Variants in GPC5 observed in about 807,000 individuals in gnomAD.
The protein encoded by GPC5 is glypican 5, also known as glypican-5.
In GPC5, 47 loss-of-function variants were observed where a neutral mutation model predicts 53.9. The ratio of observed to expected loss-of-function variants is 0.87; its 90% CI spans 0.69 to 1.11. The LOEUF (loss-of-function observed/expected upper bound fraction) is 1.11. Among genes scored for constraint, GPC5 ranks in the 50% most tolerant of loss-of-function variants. The probability of loss-of-function intolerance (pLI) is 0.00; values close to 1 mark genes in which losing one functional copy is unlikely to be tolerated. For missense variants in GPC5, 748 were observed against 713.1 expected (o/e 1.05, Z -0.56); for synonymous variants, 286 against 263.3 (o/e 1.09, Z -0.84).
chr13:91,612,580 G>A (rs557084210), intron 2 of GPC5, among the ~76,000 whole-genome samples: 1 of 152,178 alleles, frequency 6.6e-6, no homozygotes, highest in South Asian at 2.1e-4. Context: ...TACGATGTTA[G>A]CGAGTGATGA....
rs527842625 is a variant in GPC5, at chr13:91,630,910, T to C, written c.326-62277T>C. Among the ~76,000 whole-genome samples the C allele has an allele frequency of 6.6e-5, 10 of 152,260 alleles. No individual in the cohort carries two copies. In the East Asian group the frequency reaches 1.7e-3, roughly 27 times the overall value. Reference sequence around the variant, plus strand: ...AAGAGATATATGTTCTTCCCTGACATTTTACAGCTTTATTCTCTTAATCCA... The same window carrying C: ...AAGAGATATATGTTCTTCCCTGACACTTTACAGCTTTATTCTCTTAATCCA... On this transcript the variant is annotated intron_variant, in intron 2 of 7. Coordinates refer to ENST00000377067, the MANE Select transcript of GPC5 (RefSeq NM_004466.6).
chr13:92,369,201 T>C (rs567422238), intron 7 of GPC5, among the ~76,000 whole-genome samples: 34 of 152,268 alleles, frequency 2.2e-4, no homozygotes, highest in Non-Finnish European at 4.6e-4. Flanking sequence ...TGTGTGTTTT[T>C]GAGACGGAGT....
intron 7 of GPC5, among the ~76,000 whole-genome samples, chr13:92,183,133 T>C (rs1464944913): frequency 1.3e-5 from 2 of 152,242 alleles, no homozygotes; most frequent in Non-Finnish European, 2.9e-5. Context: ...AACCTTATTC[T>C]TTCCCACCAT....
At chr13:92,664,354 A>ATTTTTTT (rs34073544) in intron 7 of GPC5, among the ~76,000 whole-genome samples, 4 of 144,184 alleles carry the variant, frequency 2.8e-5, no homozygotes, top group Admixed American at 2.8e-4. Context: ...AATCCAATAG[A>ATTTTTTT]TTTTTTTTTT....
chr13:92,380,520 A>G (rs565008055), intron 7 of GPC5, among the ~76,000 whole-genome samples: 83 of 152,178 alleles, frequency 5.5e-4, no homozygotes, highest in African/African-American at 1.9e-3. Context: ...AATAGCAAAG[A>G]CTTGGAACCA....
At chr13:92,239,417 C>T (rs1447993538) in intron 7 of GPC5, among the ~76,000 whole-genome samples, 2 of 151,904 alleles carry the variant, frequency 1.3e-5, no homozygotes, top group African/African-American at 4.8e-5. Flanking sequence ...TCAGTGAATA[C>T]CCGCACAATT....
At chr13:91,933,321 A>G (rs1288871051) in intron 6 of GPC5, among the ~76,000 whole-genome samples, 5 of 151,872 alleles carry the variant, frequency 3.3e-5, no homozygotes, top group Non-Finnish European at 5.9e-5. Flanking sequence ...AACCCAATTC[A>G]TAGTTTTTGT....
intron 7 of GPC5, among the ~76,000 whole-genome samples, chr13:92,174,551 C>A (rs141378949): frequency 0.072 from 9,823 of 136,712 alleles, 386 homozygotes; most frequent in Non-Finnish European, 0.085. Flanking sequence ...AAAAAAAAAA[C>A]AAAAACAACA....
intron 5 of GPC5, among the ~76,000 whole-genome samples, chr13:91,845,214 A>G (rs1406427822): frequency 6.6e-6 from 1 of 152,024 alleles, no homozygotes; most frequent in Non-Finnish European, 1.5e-5. Context: ...TGTTTTAAGT[A>G]TAGTGCAACT....
chr13:92,205,911 A>G (rs1341448280), intron 7 of GPC5, among the ~76,000 whole-genome samples: 1 of 151,770 alleles, frequency 6.6e-6, no homozygotes, highest in African/African-American at 2.4e-5. Context: ...GGGTGATGGC[A>G]CATGCCTGTA....
chr13:91,970,662 G>GT (rs2139090323), intron 6 of GPC5, among the ~76,000 whole-genome samples: 1 of 145,330 alleles, frequency 6.9e-6, no homozygotes, highest in African/African-American at 2.9e-5. Flanking sequence ...TTTATTGAGA[G>GT]TTTTTAGCAT....
chr13:91,746,961 G>A (rs1483581673), intron 4 of GPC5, among the ~76,000 whole-genome samples: 2 of 151,802 alleles, frequency 1.3e-5, no homozygotes, highest in Non-Finnish European at 2.9e-5. Flanking sequence ...TTTCTATGTT[G>A]GTCTGTCTGT....
At chr13:92,653,565 G>C (rs1469046577) in intron 7 of GPC5, among the ~76,000 whole-genome samples, 1 of 152,178 alleles carries the variant, frequency 6.6e-6, no homozygotes, top group Non-Finnish European at 1.5e-5. Context: ...GATAATTAAA[G>C]AGAATGTAAC....
intron 7 of GPC5, among the ~76,000 whole-genome samples, chr13:92,538,203 A>G (rs1339880099): frequency 6.6e-6 from 1 of 151,544 alleles, no homozygotes; most frequent in Non-Finnish European, 1.5e-5. Context: ...AAAATGGATT[A>G]TCTATTCCTC....
intron 7 of GPC5, among the ~76,000 whole-genome samples, chr13:92,489,999 A>G (rs533567284): frequency 6.6e-6 from 1 of 152,058 alleles, no homozygotes; most frequent in African/African-American, 2.4e-5. Flanking sequence ...GTAAGTTTTT[A>G]TTTTTAACAT....
At chr13:91,581,324 T>C (rs1302655741) in intron 2 of GPC5, among the ~76,000 whole-genome samples, 1 of 152,214 alleles carries the variant, frequency 6.6e-6, no homozygotes, top group Admixed American at 6.5e-5. Context: ...GGAAGAAATA[T>C]AACACTATTT....
intron 6 of GPC5, among the ~76,000 whole-genome samples, chr13:91,931,490 A>G (rs2039821338): frequency 6.6e-6 from 1 of 152,044 alleles, no homozygotes; most frequent in South Asian, 2.1e-4. Flanking sequence ...CCAACGTCAG[A>G]CATCCTTGTT....
chr13:92,262,382 G>A (rs1243539731), intron 7 of GPC5, among the ~76,000 whole-genome samples: 2 of 152,086 alleles, frequency 1.3e-5, no homozygotes, highest in Non-Finnish European at 2.9e-5. Flanking sequence ...ACATTTAGGG[G>A]AAGTTTTAAA....
intron 7 of GPC5, among the ~76,000 whole-genome samples, chr13:92,710,397 GA>G (rs989874886): frequency 2.6e-5 from 4 of 151,956 alleles, no homozygotes; most frequent in Admixed American, 6.6e-5. Context: ...GGAAATAAAA[GA>G]AAAAAAGTTT....
Sources: allele counts gnomAD v4.1 joint callset (sites outside exome capture counted in the v4.1 genomes callset), GRCh38; gene constraint gnomAD v4.1.1; transcripts MANE v1.5; gene names NCBI Gene and HGNC (gene_info 2026-07-23, HGNC 2026-07-21).